The following KALRN variants were observed in gnomAD, a reference collection of about 807,000 sequenced individuals.
The protein encoded by KALRN is kalirin RhoGEF kinase.
KALRN carries 70 observed loss-of-function variants against 353.7 expected under a neutral mutation model. The observed-to-expected ratio is 0.20, with a 90% CI of 0.16 to 0.24. KALRN has a LOEUF of 0.24. Among genes scored for constraint, KALRN ranks in the 10% least tolerant of loss-of-function variants. The pLI, the probability that KALRN is intolerant of heterozygous loss-of-function variation, is 1.00. For missense variants in KALRN, 2,791 were observed against 3,756.7 expected, an observed-to-expected ratio of 0.74 and a Z score of 6.72; for synonymous variants, 1,391 against 1,434.8, an observed-to-expected ratio of 0.97 and a Z score of 0.69.
At chr3:124,240,902 C>T (rs917253772) in intron 3 of KALRN, among the ~76,000 whole-genome samples, 2 of 151,996 alleles carry the variant, frequency 1.3e-5, no homozygotes, top group African/African-American at 2.4e-5. Flanking sequence ...CCCAGGTGCT[C>T]GTAATTGTTA....
intron 34 of KALRN, among the ~76,000 whole-genome samples, chr3:124,612,290 G>T (rs1264831969): frequency 6.6e-6 from 1 of 152,096 alleles, no homozygotes; most frequent in Admixed American, 6.5e-5. Context: ...CACAACCTCT[G>T]CCTCCCGGAT....
rs57926537 is a variant in KALRN, at chr3:124,329,562, G to T, written c.1285-299G>T. Among the ~76,000 whole-genome samples the T allele has an allele frequency of 0.087, 13,300 of 152,144 alleles. 727 individuals carry two copies. Among genetic ancestry groups the T allele is most frequent in the Middle Eastern group, 0.14 (42 of 292 alleles). On this transcript the variant is annotated intron_variant, in intron 7 of 59. Coordinates refer to ENST00000682506, the MANE Select transcript of KALRN (RefSeq NM_001388419.1). ...AATGTGGTGAGCTGTTTCCATACCT[G>T]GACATTACAGTTAGTGTGTATCTAT...
intron 23 of KALRN, 126 bp from the exon 24 acceptor site, chr3:124,461,764 C>T: frequency 1.5e-6 from 1 of 670,692 alleles, no homozygotes; most frequent in East Asian, 2.7e-5. Context: ...AAGGAAAAGA[C>T]CTGTTGATGA....
intron 1 of KALRN, among the ~76,000 whole-genome samples, chr3:124,054,863 T>C (rs1353879238): frequency 6.6e-6 from 1 of 152,186 alleles, no homozygotes; most frequent in Admixed American, 6.5e-5. Flanking sequence ...AAGTTTAACT[T>C]TGTGGGTTGT....
At chr3:124,356,176 A>C (rs531585307) in intron 10 of KALRN, among the ~76,000 whole-genome samples, 1 of 151,282 alleles carries the variant, frequency 6.6e-6, no homozygotes, top group Admixed American at 6.6e-5. Context: ...ATTCCCCTCG[A>C]CCCCTGCCAT....
intron 34 of KALRN, among the ~76,000 whole-genome samples, chr3:124,592,309 C>CACAAAAAAAA (rs2075862401): frequency 8.3e-6 from 1 of 120,648 alleles, no homozygotes; most frequent in East Asian, 2.4e-4. Context: ...CTCAAAGAAA[C>CACAAAAAAAA]AAAAAAAAAA....
At chr3:124,169,891 G>A (rs866858244) in intron 1 of KALRN, among the ~76,000 whole-genome samples, 2 of 152,120 alleles carry the variant, frequency 1.3e-5, no homozygotes, top group Non-Finnish European at 1.5e-5. Context: ...ATTTTTCCAC[G>A]AAGGAAACTA....
intron 1 of KALRN, among the ~76,000 whole-genome samples, chr3:124,131,769 G>A (rs559369928): frequency 1.3e-5 from 2 of 152,274 alleles, no homozygotes; most frequent in South Asian, 4.1e-4. Context: ...TCTTTTCCAG[G>A]TGAAGCCCTT....
At chr3:124,588,084 A>G (rs1320517300) in intron 34 of KALRN, among the ~76,000 whole-genome samples, 2 of 152,194 alleles carry the variant, frequency 1.3e-5, no homozygotes, top group African/African-American at 2.4e-5. Flanking sequence ...GAAAGGCAGG[A>G]AAACTGAAAA....
At chr3:124,083,616 A>T (rs1206854073) in intron 1 of KALRN, among the ~76,000 whole-genome samples, 1 of 152,186 alleles carries the variant, frequency 6.6e-6, no homozygotes, top group African/African-American at 2.4e-5. Context: ...TATCATCCCC[A>T]TTTTACAGAA....
chr3:124,437,565 CTG>C (rs1267364791), intron 17 of KALRN, among the ~76,000 whole-genome samples: 2 of 151,884 alleles, frequency 1.3e-5, no homozygotes, highest in East Asian at 3.9e-4. Context: ...TGGTGAGCGA[CTG>C]TAATCCCAGC....
At chr3:124,445,225 G>T (rs890777240) in intron 19 of KALRN, among the ~76,000 whole-genome samples, 2 of 152,088 alleles carry the variant, frequency 1.3e-5, no homozygotes, top group African/African-American at 2.4e-5. Context: ...GCATTATGGG[G>T]TATTATAAAA....
chr3:124,210,368 T>C (rs772547034), intron 1 of KALRN, among the ~76,000 whole-genome samples: 85 of 152,342 alleles, frequency 5.6e-4, no homozygotes, highest in Non-Finnish European at 7.5e-4. Flanking sequence ...GCAGCAGTTT[T>C]TTCTTTTTTA....
At chr3:124,504,630 T>C (rs2065004850) in intron 33 of KALRN, 3 of 342,162 alleles carry the variant, frequency 8.8e-6, no homozygotes, top group Non-Finnish European at 1.7e-5. Context: ...GACTCATTGA[T>C]GCCAAGTACT....
At chr3:124,632,329 C>G in intron 34 of KALRN, 91 bp from the exon 35 acceptor site, 1 of 1,299,118 alleles carries the variant, frequency 7.7e-7, no homozygotes, top group East Asian at 2.3e-5. Flanking sequence ...GCCTTGTGTC[C>G]TAGCTTCCTG....
intron 10 of KALRN, among the ~76,000 whole-genome samples, chr3:124,351,081 T>C (rs974054671): frequency 2.0e-5 from 3 of 152,140 alleles, no homozygotes; most frequent in Non-Finnish European, 4.4e-5. Context: ...CTTTGTTCTG[T>C]ACAACGTGAT....
At chr3:124,597,072 A>G (rs1239374690) in intron 34 of KALRN, among the ~76,000 whole-genome samples, 1 of 74,324 alleles carries the variant, frequency 1.3e-5, no homozygotes, top group Non-Finnish European at 2.5e-5. Flanking sequence ...ACAAAAACAC[A>G]AACAAAACAA....
chr3:124,527,596 T>A lies in KALRN; in HGVS notation c.4935+31183T>A, dbSNP rs189977522. Among the ~76,000 whole-genome samples, 307 of 149,722 alleles carry A rather than the reference T, an allele frequency of 2.1e-3. 1 individual carries two copies. Among genetic ancestry groups the A allele is most frequent in the Middle Eastern group, 6.8e-3 (2 of 292 alleles). Reference sequence around the variant, plus strand: ...TCCAGCCTGGGCGACAGAGCAAGACTGTTTAAAAAAAAAAAAAGAAGAAGA... The same window carrying A: ...TCCAGCCTGGGCGACAGAGCAAGACAGTTTAAAAAAAAAAAAAGAAGAAGA... On this transcript the variant is annotated intron_variant, in intron 33 of 59. Coordinates refer to ENST00000682506, the MANE Select transcript of KALRN (RefSeq NM_001388419.1).
intron 10 of KALRN, among the ~76,000 whole-genome samples, chr3:124,355,291 G>A (rs897604910): frequency 6.6e-6 from 1 of 152,120 alleles, no homozygotes; most frequent in Non-Finnish European, 1.5e-5. Context: ...ATCTAAACCA[G>A]AGAAATAATA....
Sources: gnomAD v4.1 joint callset for allele counts (sites outside exome capture counted in the v4.1 genomes callset) on GRCh38, gnomAD v4.1.1 for gene constraint, MANE v1.5 for transcripts, NCBI Gene and HGNC (gene_info 2026-07-23, HGNC 2026-07-21) for gene names.